Variants in DYM observed in about 807,000 individuals in gnomAD.
DYM encodes the protein dymeclin.
Under a neutral mutation model 93.1 loss-of-function variants are expected in DYM, and 78 were observed. That is an observed-to-expected ratio of 0.84 (90% CI 0.70 to 1.01). DYM has a LOEUF of 1.01. Among genes scored for constraint, DYM ranks in the 50% least tolerant of loss-of-function variants. The pLI, the probability that DYM is intolerant of heterozygous loss-of-function variation, is 0.00. For missense variants in DYM, 789 were observed against 845.0 expected (o/e 0.93, Z 0.82); for synonymous variants, 321 against 319.7 (o/e 1.00, Z -0.04).
chr18:49,283,718 C>T (rs2095048303), intron 9 of DYM, among the ~76,000 whole-genome samples: 1 of 152,164 alleles, frequency 6.6e-6, no homozygotes, highest in South Asian at 2.1e-4. Context: ...CTTTAAAACA[C>T]AGAAGCACTA....
intron 13 of DYM, among the ~76,000 whole-genome samples, chr18:49,242,768 T>C (rs1293614829): frequency 1.3e-5 from 2 of 152,174 alleles, no homozygotes; most frequent in East Asian, 3.9e-4. Flanking sequence ...GGCGCCATCT[T>C]GGCTCACTGC....
rs775399623 is a variant in DYM at position 49,430,348 on chromosome 18, T to A, written c.47A>T (p.Tyr16Phe). 1 of 1,614,022 alleles carries A rather than the reference T, an allele frequency of 6.2e-7. No homozygotes were observed. Among genetic ancestry groups the A allele is most frequent in the Non-Finnish European group, 8.5e-7 (1 of 1,179,990 alleles). The change falls in exon 2 of 18, where the codon TAC (tyrosine) becomes TTC (phenylalanine). Residue 16 changes from tyrosine (Y) to phenylalanine (F), a missense_variant. Coordinates refer to ENST00000675505, the MANE Select transcript of DYM (RefSeq NM_001353214.3). ...SRIGDLPKNE[Y>F]LKKLSGTESI... ...TTCCGTGCCTGATAACTTTTTCAAG[T>A]ACTCATTTTTAGGAAGATCGCCGAT...
chr18:49,088,852 T>C (rs2078794797), intron 17 of DYM, among the ~76,000 whole-genome samples: 2 of 152,154 alleles, frequency 1.3e-5, no homozygotes, highest in South Asian at 4.1e-4. Context: ...AGTACAGTGG[T>C]AGGATCAGGG....
At position 49,258,479 on chromosome 18, in the gene DYM, A is replaced by G. The variant is rs2094430454; in HGVS notation, c.1266T>C (p.Ile422=). The change falls in exon 12 of 18, where the codon ATT becomes ATC. Residue 422 remains isoleucine (I), a synonymous_variant. Transcript: ENST00000675505. The stretch of plus-strand genomic sequence containing the variant: ...TTAAAACTCGTTCTGAATACCAAGT[A>G]ATATTTTTTAGTATCTGTAATGGGG... ...RSIHEVILKN[I]TWYSERVLTE... is the part of the protein sequence containing the mutation. 1 of 1,604,584 alleles carries G rather than the reference A, an allele frequency of 6.2e-7. No homozygotes were observed. Among genetic ancestry groups the G allele is most frequent in the Non-Finnish European group, 8.5e-7 (1 of 1,171,538 alleles).
intron 1 of DYM, among the ~76,000 whole-genome samples, chr18:49,456,751 T>C (rs763394596): frequency 1.3e-5 from 2 of 152,186 alleles, no homozygotes; most frequent in Non-Finnish European, 2.9e-5. Context: ...AATTAAGTAA[T>C]GTGAGGATAA....
chr18:49,436,593 C>T (rs1238594672), intron 1 of DYM, among the ~76,000 whole-genome samples: 1 of 152,166 alleles, frequency 6.6e-6, no homozygotes, highest in East Asian at 1.9e-4. Flanking sequence ...AAGACCTTGA[C>T]TACTTGTTTA....
At chr18:49,382,902 T>A (rs1298438469) in intron 3 of DYM, among the ~76,000 whole-genome samples, 1 of 152,170 alleles carries the variant, frequency 6.6e-6, no homozygotes, top group Non-Finnish European at 1.5e-5. Flanking sequence ...CTGTTTGAGA[T>A]GAGAGATTAA....
intron 6 of DYM, among the ~76,000 whole-genome samples, chr18:49,336,484 T>C (rs970163930): frequency 6.6e-6 from 1 of 152,130 alleles, no homozygotes; most frequent in Non-Finnish European, 1.5e-5. Flanking sequence ...ATAAGAATAC[T>C]GAAGCAATAC....
At chr18:49,316,328 G>C (rs1236397238) in intron 8 of DYM, among the ~76,000 whole-genome samples, 2 of 152,010 alleles carry the variant, frequency 1.3e-5, no homozygotes. Flanking sequence ...TAAATATAGA[G>C]AAATATTTTA....
intron 15 of DYM, among the ~76,000 whole-genome samples, chr18:49,135,749 T>C (rs746182120): frequency 2.6e-5 from 4 of 152,230 alleles, no homozygotes; most frequent in Non-Finnish European, 5.9e-5. Flanking sequence ...TACATTACAA[T>C]GAAATGCTCT....
chr18:49,216,085 C>T (rs1227697419), intron 13 of DYM, among the ~76,000 whole-genome samples: 1 of 152,220 alleles, frequency 6.6e-6, no homozygotes, highest in East Asian at 1.9e-4. Context: ...AAAAACGGTG[C>T]ACCACGAGAT....
intron 13 of DYM, among the ~76,000 whole-genome samples, chr18:49,213,481 A>G (rs2092888082): frequency 6.6e-6 from 1 of 152,104 alleles, no homozygotes; most frequent in African/African-American, 2.4e-5. Context: ...ATGCCCAGCT[A>G]ACTTTTGTAT....
Position 49,308,306 on chromosome 18 carries a change from A to G in DYM, c.764-21690T>C, listed in dbSNP as rs1021992676. Among the ~76,000 whole-genome samples the G allele has an allele frequency of 4.8e-3, 732 of 151,946 alleles. 8 individuals are homozygous for G. The highest frequency in any genetic ancestry group is 0.017 in the African/African-American group (701 of 41,482). On this transcript the variant is annotated intron_variant, in intron 8 of 17. Transcript: ENST00000675505. ...CTTGTGTGTGTATATATATATATAT[A>G]TATGTATATCTTACACATTCAAGTC...
At position 49,044,134 on chromosome 18, in the gene DYM, C is replaced by G. The variant is rs764918234; in HGVS notation, c.2096G>C (p.Trp699Ser). 6.2e-7 allele frequency: 1 copy of G among 1,614,126 alleles called. No homozygotes were observed. Among genetic ancestry groups the G allele is most frequent in the South Asian group, 1.1e-5 (1 of 91,074 alleles). The stretch of plus-strand genomic sequence containing the variant: ...GACTGCTGAGTTGTAGACAAGAGAC[C>G]AGACATAGGGGATAAAAAACTCCTC... ...QPEEFFIPYV[W>S]SLVYNSAVGL... Residue 699 changes from tryptophan (W) to serine (S), a missense_variant, in exon 18 of 18, where the codon TGG becomes TCG. Coordinates refer to ENST00000675505, the MANE Select transcript of DYM (RefSeq NM_001353214.3).
At chr18:49,057,297 C>G (rs1385049851) in intron 17 of DYM, among the ~76,000 whole-genome samples, 1 of 152,216 alleles carries the variant, frequency 6.6e-6, no homozygotes, top group Non-Finnish European at 1.5e-5. Context: ...ACCAATCAGA[C>G]AAAGAGACCG....
chr18:49,237,956 A>T (rs1400121833), intron 13 of DYM, among the ~76,000 whole-genome samples: 1 of 150,334 alleles, frequency 6.7e-6, no homozygotes, highest in East Asian at 1.9e-4. Context: ...ATATTTAAGT[A>T]GGTCTCTGTT....
intron 17 of DYM, among the ~76,000 whole-genome samples, chr18:49,064,899 T>C (rs965666250): frequency 2.0e-5 from 3 of 150,782 alleles, no homozygotes; most frequent in African/African-American, 7.3e-5. Context: ...GAATTTATAG[T>C]CACTTCATGA....
chr18:49,294,178 TCTGTTTTGGTACCAGTACCATG>T (rs376558576), intron 8 of DYM, among the ~76,000 whole-genome samples: 5,872 of 152,234 alleles, frequency 0.039, 195 homozygotes, highest in South Asian at 0.082. Flanking sequence ...GGTCCATGTA[TCTGTTTTGGTACCAGTACCATG>T]CTGTTTTGGT....
intron 17 of DYM, among the ~76,000 whole-genome samples, chr18:49,050,824 T>C (rs987505552): frequency 6.6e-6 from 1 of 152,152 alleles, no homozygotes; most frequent in African/African-American, 2.4e-5. Context: ...CACCATTTGT[T>C]TCCCCAACTA....
Sources: allele counts gnomAD v4.1 joint callset (sites outside exome capture counted in the v4.1 genomes callset), GRCh38; gene constraint gnomAD v4.1.1; transcripts MANE v1.5; gene names NCBI Gene and HGNC (gene_info 2026-07-23, HGNC 2026-07-21).